The following ESR2 variants were observed in gnomAD, a reference collection of about 807,000 sequenced individuals.
The protein encoded by ESR2 is estrogen receptor beta.
In ESR2, 36 loss-of-function variants were observed where a neutral mutation model predicts 49.6. The ratio of observed to expected loss-of-function variants is 0.73; its 90% CI spans 0.56 to 0.96. The LOEUF is 0.96. Among genes scored for constraint, ESR2 ranks in the 40% least tolerant of loss-of-function variants. The pLI is 0.00. For synonymous variants in ESR2, 320 were observed against 266.1 expected (o/e 1.20, Z -1.97); for missense variants, 714 against 693.0 (o/e 1.03, Z -0.34).
At chr14:64,239,943 A>G (rs992183740) in intron 7 of ESR2, among the ~76,000 whole-genome samples, 2 of 152,254 alleles carry the variant, frequency 1.3e-5, no homozygotes, top group Non-Finnish European at 2.9e-5. Flanking sequence ...ATTTGAGTAT[A>G]TATCCCATTC....
At chr14:64,319,927 T>G (rs1046573911) in intron 1 of ESR2, among the ~76,000 whole-genome samples, 3 of 152,114 alleles carry the variant, frequency 2.0e-5, no homozygotes, top group African/African-American at 7.3e-5. Context: ...ATAGTACTCC[T>G]TGGTTTTTAC....
intron 7 of ESR2, among the ~76,000 whole-genome samples, chr14:64,247,505 G>A (rs906794905): frequency 2.1e-4 from 32 of 152,208 alleles, no homozygotes; most frequent in African/African-American, 6.0e-4. Flanking sequence ...TTTAAAGACC[G>A]TAGTATAATA....
chr14:64,237,981 T>C (rs945017462), intron 7 of ESR2, among the ~76,000 whole-genome samples: 1 of 152,144 alleles, frequency 6.6e-6, no homozygotes, highest in African/African-American at 2.4e-5. Flanking sequence ...ATACCGTGAA[T>C]AAACTAAAAA....
At chr14:64,269,375 G>A (rs1321380980) in intron 3 of ESR2, among the ~76,000 whole-genome samples, 1 of 152,212 alleles carries the variant, frequency 6.6e-6, no homozygotes, top group East Asian at 1.9e-4. Context: ...AAAGAAATTA[G>A]CAATCTAAAT....
chr14:64,236,818 T>A (rs973498204), intron 7 of ESR2, among the ~76,000 whole-genome samples: 1 of 152,082 alleles, frequency 6.6e-6, no homozygotes, highest in African/African-American at 2.4e-5. Context: ...CCCCTGATAC[T>A]CTGACAGTGC....
intron 1 of ESR2, among the ~76,000 whole-genome samples, chr14:64,292,291 T>C (rs1223139400): frequency 6.6e-6 from 1 of 152,136 alleles, no homozygotes; most frequent in Admixed American, 6.5e-5. Flanking sequence ...ACATAATCAT[T>C]ATGTAGTTTT....
chr14:64,282,169 C>T (rs1259475506), intron 2 of ESR2, among the ~76,000 whole-genome samples: 2 of 152,186 alleles, frequency 1.3e-5, no homozygotes, highest in Non-Finnish European at 2.9e-5. Context: ...CATGGTGAAA[C>T]CCTGTCTCTA....
At chr14:64,320,581 C>T (rs1249906188) in intron 1 of ESR2, among the ~76,000 whole-genome samples, 1 of 152,018 alleles carries the variant, frequency 6.6e-6, no homozygotes, top group Non-Finnish European at 1.5e-5. Context: ...CTAATGTAAA[C>T]CCCGGACTTT....
chr14:64,308,422 C>G (rs1346175011), intron 1 of ESR2, among the ~76,000 whole-genome samples: 7 of 152,188 alleles, frequency 4.6e-5, no homozygotes, highest in African/African-American at 1.7e-4. Context: ...CAGTTCAAAA[C>G]ACTTTCCAAT....
chr14:64,272,723 C>T (rs779407526), intron 3 of ESR2, among the ~76,000 whole-genome samples: 2 of 151,978 alleles, frequency 1.3e-5, no homozygotes, highest in Non-Finnish European at 2.9e-5. Context: ...TCCATTGATC[C>T]CTATGTCTGT....
In ESR2 at chr14:64,282,947, A is replaced by G; in HGVS notation, c.39T>C (p.Pro13=). Residue 13 remains proline, a synonymous_variant, in exon 2 of 9, where the codon CCT becomes CCC. Transcript: ENST00000341099. The stretch of plus-strand genomic sequence containing the variant: ...TGGATTGACTGCAGTTGTAGGAGGA[A>G]GGAGAATTAAGGCTAGATGGTGAGT... ...IKNSPSSLNS[P]SSYNCSQSIL... is the part of the protein sequence containing the mutation. 6.2e-7 allele frequency: 1 copy of G among 1,614,030 alleles called. No homozygotes were observed. Among genetic ancestry groups the G allele is most frequent in the African/African-American group, 1.3e-5 (1 of 75,062 alleles).
chr14:64,273,711 G>T (rs2076496233), intron 3 of ESR2, among the ~76,000 whole-genome samples: 1 of 152,028 alleles, frequency 6.6e-6, no homozygotes, highest in African/African-American at 2.4e-5. Context: ...ATTTTATTGA[G>T]GATTTTTACA....
intron 7 of ESR2, among the ~76,000 whole-genome samples, chr14:64,245,210 G>T (rs1437404614): frequency 6.6e-6 from 1 of 152,078 alleles, no homozygotes; most frequent in Non-Finnish European, 1.5e-5. Flanking sequence ...CAATTGTTAT[G>T]ACTACCAAGA....
rs534642088 is a variant in ESR2, at chr14:64,326,315, T to C, written c.-91+11583A>G. Among the ~76,000 whole-genome samples, 22 of 152,260 alleles carry C rather than the reference T, an allele frequency of 1.4e-4. No homozygotes were observed. In the East Asian group the frequency reaches 4.2e-3, roughly 29 times the overall value. Reference sequence around the variant, plus strand: ...GAAGATTTGGGGCCTCACATTCTTCTTCTATACCAACTCATACCATAATTC... The same window carrying C: ...GAAGATTTGGGGCCTCACATTCTTCCTCTATACCAACTCATACCATAATTC... On this transcript the variant is annotated intron_variant, in intron 1 of 8. Transcript: ENST00000358599.
intron 1 of ESR2, among the ~76,000 whole-genome samples, chr14:64,332,813 A>AG (rs1391968675): frequency 6.6e-6 from 1 of 150,376 alleles, no homozygotes; most frequent in Admixed American, 6.7e-5. Context: ...AAAAAAAAAA[A>AG]GGGTACCGTA....
intron 3 of ESR2, among the ~76,000 whole-genome samples, chr14:64,272,863 T>C (rs2076478253): frequency 6.6e-6 from 1 of 152,322 alleles, no homozygotes; most frequent in Admixed American, 6.5e-5. Context: ...TCTTTTGTGG[T>C]TCCATACAAA....
At chr14:64,254,615 A>C (rs932276826) in intron 6 of ESR2, among the ~76,000 whole-genome samples, 3 of 151,376 alleles carry the variant, frequency 2.0e-5, no homozygotes, top group African/African-American at 7.3e-5. Context: ...AAAATTGGCC[A>C]GCCGTAGTGG....
At chr14:64,255,418 GGA>G (rs1037019715) in intron 6 of ESR2, among the ~76,000 whole-genome samples, 14 of 152,140 alleles carry the variant, frequency 9.2e-5, no homozygotes, top group African/African-American at 3.4e-4. Context: ...ATGACAGTGG[GGA>G]GAGTGGGTTT....
chr14:64,311,288 G>A (rs911396648), intron 1 of ESR2, among the ~76,000 whole-genome samples: 11 of 152,080 alleles, frequency 7.2e-5, no homozygotes, highest in African/African-American at 2.4e-4. Context: ...GCTTCTTGAC[G>A]TTTCAAAACC....
Sources: gnomAD v4.1 joint callset for allele counts (sites outside exome capture counted in the v4.1 genomes callset) on GRCh38, gnomAD v4.1.1 for gene constraint, MANE v1.5 for transcripts, NCBI Gene and HGNC (gene_info 2026-07-23, HGNC 2026-07-21) for gene names.